The following RASAL2 variants were observed in gnomAD, a reference collection of about 807,000 sequenced individuals.
The protein encoded by RASAL2 is ras GTPase-activating protein nGAP.
In RASAL2, 58 loss-of-function variants were observed where a neutral mutation model predicts 128.9. The ratio of observed to expected loss-of-function variants is 0.45; its 90% CI spans 0.36 to 0.56. RASAL2 has a LOEUF of 0.56. Ranked by LOEUF, RASAL2 falls within the 20% of genes least tolerant of loss-of-function variation. The pLI is 0.00. For missense variants in RASAL2, 1,360 were observed against 1,601.6 expected, an observed-to-expected ratio of 0.85 and a Z score of 2.57; for synonymous variants, 561 against 580.8, an observed-to-expected ratio of 0.97 and a Z score of 0.49.
At chr1:178,389,426 GTAAT>G (rs901725345) in intron 3 of RASAL2, 2 of 252,964 alleles carry the variant, frequency 7.9e-6, no homozygotes, top group Non-Finnish European at 1.2e-5. Flanking sequence ...ACAGTATATA[GTAAT>G]TAAATGGGAG....
intron 3 of RASAL2, among the ~76,000 whole-genome samples, chr1:178,315,033 T>C (rs1668439574): frequency 6.7e-6 from 1 of 148,540 alleles, no homozygotes; most frequent in Non-Finnish European, 1.5e-5. Flanking sequence ...AGTGAGAATA[T>C]GTGGTGTTTG....
intron 3 of RASAL2, among the ~76,000 whole-genome samples, chr1:178,304,179 A>C (rs1454213079): frequency 6.6e-6 from 1 of 152,186 alleles, no homozygotes; most frequent in Non-Finnish European, 1.5e-5. Flanking sequence ...TAAGAACTAT[A>C]TAGCCAACTC....
Position 178,458,346 on chromosome 1 carries a change from G to T in RASAL2, c.3054G>T (p.Gly1018=). 1 of 1,614,228 alleles carries T rather than the reference G, an allele frequency of 6.2e-7. No homozygotes were observed. Residue 1018 remains glycine (G), a synonymous_variant, in exon 14 of 18, where the codon GGG becomes GGT. Transcript: ENST00000367649. ...AGATCCGAAAAGTGGACCAGGGTGG[G>T]TTAGGTGCCCGAGCCAAAGCCCCAC... ...QAQIRKVDQG[G]LGARAKAPPS...
intron 3 of RASAL2, among the ~76,000 whole-genome samples, chr1:178,358,237 TAAAAAAAAAAAAAAAAAA>T (rs71567191): frequency 8.6e-5 from 3 of 34,770 alleles, no homozygotes; most frequent in Non-Finnish European, 2.2e-4. Context: ...CTCTGTCTCC[TAAAAAAAAAAAAAAAAAA>T]AAAAAAAAAA....
At chr1:178,309,705 A>G (rs1490935918) in intron 3 of RASAL2, among the ~76,000 whole-genome samples, 1 of 152,168 alleles carries the variant, frequency 6.6e-6, no homozygotes, top group Non-Finnish European at 1.5e-5. Context: ...CAAAGTGGTT[A>G]GGGGCACTAC....
chr1:178,144,610 T>G (rs1660655099), intron 1 of RASAL2, among the ~76,000 whole-genome samples: 1 of 152,172 alleles, frequency 6.6e-6, no homozygotes, highest in South Asian at 2.1e-4. Flanking sequence ...GTTATTTAAG[T>G]ATTTTTGACA....
chr1:178,449,679 C>T (rs1423169252), intron 9 of RASAL2, among the ~76,000 whole-genome samples: 1 of 152,004 alleles, frequency 6.6e-6, no homozygotes, highest in Non-Finnish European at 1.5e-5. Flanking sequence ...GTACATTCTG[C>T]ATGCTCAAAC....
chr1:178,463,450 T>C lies in RASAL2; in HGVS notation c.3253-828T>C, dbSNP rs1328472927. ...GAAGTTTCCAAAGAATTTTCAAATA[T>C]ATTGTCTTATCCTCACAGCTCCCTA... On this transcript the variant is annotated intron_variant, in intron 14 of 17. Transcript: ENST00000367649. Among the ~76,000 whole-genome samples, 8 of 152,334 alleles carry C rather than the reference T, an allele frequency of 5.3e-5. 1 individual carries two copies. In the East Asian group the frequency reaches 1.5e-3, roughly 29 times the overall value.
At chr1:178,186,136 A>G (rs1298004265) in intron 1 of RASAL2, among the ~76,000 whole-genome samples, 1 of 151,304 alleles carries the variant, frequency 6.6e-6, no homozygotes, top group Non-Finnish European at 1.5e-5. Context: ...GGAATTTTTC[A>G]TTTAAGTTAT....
chr1:178,195,906 C>G (rs1256015530), intron 1 of RASAL2, among the ~76,000 whole-genome samples: 1 of 152,092 alleles, frequency 6.6e-6, no homozygotes, highest in Non-Finnish European at 1.5e-5. Context: ...TCTAGCCATA[C>G]TATTCATATA....
chr1:178,156,704 G>A (rs1472972105), intron 1 of RASAL2, among the ~76,000 whole-genome samples: 2 of 152,132 alleles, frequency 1.3e-5, no homozygotes, highest in Non-Finnish European at 2.9e-5. Flanking sequence ...AGTAGACAGA[G>A]AACAGAGAAA....
At chr1:178,219,976 G>A (rs1663560887) in intron 1 of RASAL2, among the ~76,000 whole-genome samples, 1 of 152,076 alleles carries the variant, frequency 6.6e-6, no homozygotes, top group African/African-American at 2.4e-5. Flanking sequence ...TCAGTAATGA[G>A]TGAGTTCTTG....
chr1:178,272,897 A>C (rs997004991), intron 1 of RASAL2, among the ~76,000 whole-genome samples: 6 of 152,148 alleles, frequency 3.9e-5, no homozygotes, highest in Non-Finnish European at 8.8e-5. Context: ...GCACCATTGC[A>C]CTGCAGCCTG....
intron 5 of RASAL2, 135 bp downstream of exon 5, chr1:178,420,755 A>G (rs1675093502): frequency 3.2e-6 from 2 of 616,294 alleles, no homozygotes; most frequent in Non-Finnish European, 5.5e-6. Context: ...TGTCGTGTTC[A>G]TATTAAGGCA....
At chr1:178,184,391 GT>G (rs34012316) in intron 1 of RASAL2, among the ~76,000 whole-genome samples, 34,143 of 148,498 alleles carry the variant, frequency 0.23, 4,398 homozygotes, top group African/African-American at 0.36. Context: ...AATTTTTCCT[GT>G]TTTTTTTTTT....
intron 1 of RASAL2, among the ~76,000 whole-genome samples, chr1:178,220,045 T>G (rs1663564034): frequency 6.6e-6 from 1 of 152,034 alleles, no homozygotes. Flanking sequence ...TCTCCTCTCT[T>G]TAACTCTCTC....
At chr1:178,443,630 A>G (rs1369003947) in intron 8 of RASAL2, among the ~76,000 whole-genome samples, 1 of 152,200 alleles carries the variant, frequency 6.6e-6, no homozygotes, top group Non-Finnish European at 1.5e-5. Context: ...TCCTCTAGGC[A>G]CAGAAGGAAG....
Position 178,430,706 on chromosome 1 carries a change from A to G in RASAL2, c.675-8716A>G, listed in dbSNP as rs933803305. On this transcript the variant is annotated intron_variant, in intron 5 of 17. Transcript: ENST00000367649. Reference sequence around the variant, plus strand: ...TCCACATTATCTACACATATCTTAAATGAGATAACTGAGGTTCAGAAAGAA... The same window carrying G: ...TCCACATTATCTACACATATCTTAAGTGAGATAACTGAGGTTCAGAAAGAA... Among the ~76,000 whole-genome samples, 5 of 152,208 alleles carry G rather than the reference A, an allele frequency of 3.3e-5. No individual in the cohort carries two copies. In the South Asian group the frequency reaches 1.0e-3, roughly 32 times the overall value.
chr1:178,429,624 A>G (rs1159483335), intron 5 of RASAL2, among the ~76,000 whole-genome samples: 1 of 152,120 alleles, frequency 6.6e-6, no homozygotes, highest in Admixed American at 6.6e-5. Flanking sequence ...CTCATTGCCT[A>G]TGTATGTAAT....
Sources: gnomAD v4.1 joint callset for allele counts (sites outside exome capture counted in the v4.1 genomes callset) on GRCh38, gnomAD v4.1.1 for gene constraint, MANE v1.5 for transcripts, NCBI Gene and HGNC (gene_info 2026-07-23, HGNC 2026-07-21) for gene names.